The following HELZ variants were observed in gnomAD, a reference collection of about 807,000 sequenced individuals.
HELZ encodes the protein helicase with zinc finger.
HELZ carries 23 observed loss-of-function variants against 218.2 expected under a neutral mutation model. The observed-to-expected ratio is 0.11, with a 90% CI of 0.08 to 0.15. HELZ has a LOEUF of 0.15. Among genes scored for constraint, HELZ ranks in the 10% least tolerant of loss-of-function variants. The probability of loss-of-function intolerance (pLI) is 1.00; values close to 1 mark genes in which losing one functional copy is unlikely to be tolerated. For missense variants in HELZ, 1,813 were observed against 2,353.7 expected, an observed-to-expected ratio of 0.77 and a Z score of 4.75; for synonymous variants, 814 against 829.4, an observed-to-expected ratio of 0.98 and a Z score of 0.32.
intron 23 of HELZ, 141 bp downstream of exon 23, chr17:67,135,829 T>A: frequency 1.6e-6 from 1 of 644,068 alleles, no homozygotes; most frequent in South Asian, 2.0e-5. Flanking sequence ...CAAAGTAATA[T>A]GCTTTTGTGT....
intron 31 of HELZ, among the ~76,000 whole-genome samples, chr17:67,103,287 A>T (rs2036986069): frequency 6.6e-6 from 1 of 152,176 alleles, no homozygotes; most frequent in Non-Finnish European, 1.5e-5. Flanking sequence ...AAGAAATAAA[A>T]GGCATTCAGA....
At chr17:67,211,648 G>C (rs2040453954) in intron 5 of HELZ, among the ~76,000 whole-genome samples, 1 of 152,166 alleles carries the variant, frequency 6.6e-6, no homozygotes, top group African/African-American at 2.4e-5. Flanking sequence ...ACCACTTGAG[G>C]TCAGGAGTTT....
At chr17:67,123,304 T>A in intron 25 of HELZ, 144 bp from the exon 26 acceptor site, 1 of 483,400 alleles carries the variant, frequency 2.1e-6, no homozygotes. Flanking sequence ...TGTGGAAAAG[T>A]AAAGCATATT....
chr17:67,128,367 C>G lies in HELZ; in HGVS notation c.3387+284G>C, dbSNP rs75682033. On this transcript the variant is annotated intron_variant, in intron 24 of 32. Coordinates refer to ENST00000358691, the MANE Select transcript of HELZ (RefSeq NM_014877.4). ...TTTTATTCACATCTCACTAAAACAA[C>G]TCTATCAGTAGAGAGGATTAGAAGG... 5.5e-3 allele frequency: 2,088 copies of G among 378,728 alleles called. 39 individuals are homozygous for G. The highest frequency in any genetic ancestry group is 0.036 in the African/African-American group (1,793 of 49,972). The allele number at this position is 378,728 out of a possible 1,614,324, so 23.5% of individuals were successfully genotyped here. A position where few individuals can be genotyped will look rare whatever the true frequency, so the allele number is the denominator to read the frequency against.
chr17:67,220,739 G>A (rs748973655), intron 3 of HELZ, among the ~76,000 whole-genome samples: 3 of 151,588 alleles, frequency 2.0e-5, no homozygotes, highest in Admixed American at 6.6e-5. Context: ...CTGTCCTCCC[G>A]CTTCAGCCAA....
Position 67,120,430 on chromosome 17 carries a change from C to T in HELZ, c.3813G>A (p.Lys1271=). 6.2e-7 allele frequency: 1 copy of T among 1,614,010 alleles called. No individual in the cohort carries two copies. The highest frequency in any genetic ancestry group is 8.5e-7 in the Non-Finnish European group (1 of 1,180,006). Residue 1271 remains lysine, a synonymous_variant, in exon 27 of 33, where the codon AAG becomes AAA. Coordinates refer to ENST00000358691, the MANE Select transcript of HELZ (RefSeq NM_014877.4). Reference sequence around the variant, plus strand: ...CATTTCGATTTTGCTCATGTTGATCCTTCTCCTGATGCTGATTTTGTGGCT... The same window carrying T: ...CATTTCGATTTTGCTCATGTTGATCTTTCTCCTGATGCTGATTTTGTGGCT... The part of the protein sequence containing the change: ...IGQPQNQHQE[K]DQHEQNRNGK...
intron 5 of HELZ, among the ~76,000 whole-genome samples, chr17:67,209,696 C>T (rs2143201811): frequency 6.6e-6 from 1 of 152,156 alleles, no homozygotes; most frequent in South Asian, 2.1e-4. Flanking sequence ...GACTTCAGTT[C>T]AAAACCACAC....
chr17:67,234,110 G>A (rs1474751657), intron 3 of HELZ, among the ~76,000 whole-genome samples: 2 of 150,262 alleles, frequency 1.3e-5, no homozygotes, highest in Admixed American at 6.6e-5. Context: ...GATGGCTTGA[G>A]CTCAGGAGTT....
intron 3 of HELZ, among the ~76,000 whole-genome samples, chr17:67,236,050 GCA>G (rs1253395183): frequency 2.6e-5 from 4 of 151,992 alleles, no homozygotes; most frequent in Non-Finnish European, 5.9e-5. Flanking sequence ...GTGAGCCACT[GCA>G]CCCAGCCTCG....
chr17:67,177,640 A>G (rs1408014160), intron 13 of HELZ, among the ~76,000 whole-genome samples: 1 of 144,654 alleles, frequency 6.9e-6, no homozygotes, highest in Non-Finnish European at 1.5e-5. Context: ...CTACAGACAC[A>G]ATTGATAAAA....
At chr17:67,162,159 T>C (rs1432177532) in intron 15 of HELZ, among the ~76,000 whole-genome samples, 1 of 152,148 alleles carries the variant, frequency 6.6e-6, no homozygotes, top group Non-Finnish European at 1.5e-5. Flanking sequence ...CTCATGCCTA[T>C]AATCCCAGCA....
chr17:67,201,721 A>G (rs2143104948), intron 6 of HELZ, among the ~76,000 whole-genome samples: 1 of 152,354 alleles, frequency 6.6e-6, no homozygotes, highest in Admixed American at 6.5e-5. Flanking sequence ...AAATTTAAAA[A>G]CAACAGGTAA....
chr17:67,150,131 T>A, intron 18 of HELZ, 146 bp from the exon 19 acceptor site: 14 of 65,344 alleles, frequency 2.1e-4, no homozygotes, highest in East Asian at 8.7e-4. Flanking sequence ...ATTTTCTTTC[T>A]TTTTTTTTTT....
intron 1 of HELZ, 78 bp from the exon 2 acceptor site, chr17:67,243,917 A>G (rs2041394504): frequency 1.3e-6 from 1 of 794,762 alleles, no homozygotes; most frequent in Non-Finnish European, 1.5e-6. Flanking sequence ...ATCAGCCTGA[A>G]GTGAAAGGGC....
intron 31 of HELZ, among the ~76,000 whole-genome samples, chr17:67,101,935 C>G (rs2036942620): frequency 6.6e-6 from 1 of 152,194 alleles, no homozygotes; most frequent in Non-Finnish European, 1.5e-5. Flanking sequence ...TACTGCCTGG[C>G]TCAGGAGAAG....
intron 7 of HELZ, among the ~76,000 whole-genome samples, chr17:67,199,258 G>A (rs1339194851): frequency 6.8e-6 from 1 of 147,044 alleles, no homozygotes; most frequent in East Asian, 2.0e-4. Context: ...TGTCGCCCAG[G>A]CTGGAATACA....
At chr17:67,203,705 G>A (rs1162354392) in intron 5 of HELZ, among the ~76,000 whole-genome samples, 2 of 152,126 alleles carry the variant, frequency 1.3e-5, no homozygotes, top group African/African-American at 2.4e-5. Flanking sequence ...AAGCTCTCGA[G>A]GGAAAAATAC....
At position 67,151,210 on chromosome 17, in the gene HELZ, T is replaced by C; in HGVS notation, c.2192A>G (p.Asn731Ser). ...QARPLRVYFR[N>S]RWVKTVHPVV... The stretch of plus-strand genomic sequence containing the variant: ...TGGGTGGACAGTCTTTACCCAGCGA[T>C]TTCTGAAATATACCCTGGAAAAGAA... Residue 731 changes from asparagine to serine, a missense_variant, in exon 18 of 33, where the codon AAT (asparagine) becomes AGT (serine). Transcript: ENST00000358691. 6.2e-7 allele frequency: 1 copy of C among 1,610,002 alleles called. No homozygotes were observed. The highest frequency in any genetic ancestry group is 8.5e-7 in the Non-Finnish European group (1 of 1,177,534).
At chr17:67,209,891 T>A (rs918156466) in intron 5 of HELZ, among the ~76,000 whole-genome samples, 2 of 152,100 alleles carry the variant, frequency 1.3e-5, no homozygotes, top group East Asian at 1.9e-4. Context: ...TCCAAAAAAA[T>A]TTTTAACTAC....
Sources: allele counts gnomAD v4.1 joint callset (sites outside exome capture counted in the v4.1 genomes callset), GRCh38; gene constraint gnomAD v4.1.1; transcripts MANE v1.5; gene names NCBI Gene and HGNC (gene_info 2026-07-23, HGNC 2026-07-21).